The following SCHIP1 variants were observed in gnomAD, a reference collection of about 807,000 sequenced individuals.
SCHIP1 encodes schwannomin interacting protein 1.
In SCHIP1, 8 loss-of-function variants were observed where a neutral mutation model predicts 29.7. That is an observed-to-expected ratio of 0.27 (90% confidence interval 0.16 to 0.49). SCHIP1 has a LOEUF of 0.49. SCHIP1 is among the 20% of genes least tolerant of loss of function. The probability of loss-of-function intolerance (pLI) is 0.99; values close to 1 mark genes in which losing one functional copy is unlikely to be tolerated. For synonymous variants in SCHIP1, 76 were observed against 94.9 expected (o/e 0.80, Z 1.16); for missense variants, 193 against 294.6 (o/e 0.66, Z 2.52).
chr3:159,763,360 C>T, the SCHIP1 span, among the ~76,000 whole-genome samples: 7 of 152,076 alleles, frequency 4.6e-5, no homozygotes, highest in African/African-American at 1.7e-4. Flanking sequence ...AGGCGCCAGG[C>T]TCGTGCTTTG....
At chr3:159,833,157 G>A in the SCHIP1 span, among the ~76,000 whole-genome samples, 1 of 152,122 alleles carries the variant, frequency 6.6e-6, no homozygotes, top group Non-Finnish European at 1.5e-5. Flanking sequence ...AAATTTAGTG[G>A]CTTAAATCAA....
the SCHIP1 span, among the ~76,000 whole-genome samples, chr3:159,648,739 G>A: frequency 6.6e-6 from 1 of 151,898 alleles, no homozygotes; most frequent in Non-Finnish European, 1.5e-5. Flanking sequence ...TTCTGCTAAA[G>A]GAACATACCA....
the SCHIP1 span, among the ~76,000 whole-genome samples, chr3:159,829,067 C>T: frequency 6.9e-3 from 1,053 of 152,178 alleles, 7 homozygotes; most frequent in African/African-American, 0.024. Flanking sequence ...AAATTGGGGA[C>T]GAAACGATGT....
intron 4 of SCHIP1, 44 bp downstream of exon 5, chr3:159,887,949 G>A: frequency 6.2e-7 from 1 of 1,607,030 alleles, no homozygotes; most frequent in South Asian, 1.1e-5. Flanking sequence ...TTGGGAGCCA[G>A]AAATGGTTGA....
chr3:159,543,384 A>AG, the SCHIP1 span, among the ~76,000 whole-genome samples: 12 of 87,088 alleles, frequency 1.4e-4, no homozygotes, highest in Non-Finnish European at 2.2e-4. Context: ...ACCCCACAAC[A>AG]TCACCCCAGA....
chr3:159,564,371 C>T, the SCHIP1 span, among the ~76,000 whole-genome samples: 2 of 150,296 alleles, frequency 1.3e-5, no homozygotes, highest in Non-Finnish European at 2.9e-5. Flanking sequence ...CAAGAGGAAC[C>T]GTTATCTTGA....
At chr3:159,387,601 A>AT in the SCHIP1 span, among the ~76,000 whole-genome samples, 1 of 152,128 alleles carries the variant, frequency 6.6e-6, no homozygotes, top group Non-Finnish European at 1.5e-5. Flanking sequence ...ATTGGCACAC[A>AT]TTTTCTTTAA....
the SCHIP1 span, among the ~76,000 whole-genome samples, chr3:159,487,718 A>C: frequency 1.3e-5 from 2 of 152,134 alleles, no homozygotes; most frequent in African/African-American, 2.4e-5. Flanking sequence ...CCACCTAAGA[A>C]AAGTGTCTAT....
chr3:159,632,653 C>T, the SCHIP1 span, among the ~76,000 whole-genome samples: 6 of 152,258 alleles, frequency 3.9e-5, no homozygotes, highest in East Asian at 9.7e-4. Context: ...TGGGCCCTGC[C>T]ATGGAATTGG....
the SCHIP1 span, among the ~76,000 whole-genome samples, chr3:159,756,378 T>C: frequency 0.28 from 42,603 of 152,132 alleles, 6,035 homozygotes; most frequent in Middle Eastern, 0.35. Context: ...CTGAGCTCTA[T>C]GTTGGCCCTT....
chr3:159,329,135 A>G, the SCHIP1 span, among the ~76,000 whole-genome samples: 1 of 152,048 alleles, frequency 6.6e-6, no homozygotes, highest in Non-Finnish European at 1.5e-5. Flanking sequence ...TGTGTGGATG[A>G]GTAAAACAAG....
At chr3:159,513,607 C>A in the SCHIP1 span, among the ~76,000 whole-genome samples, 3 of 152,102 alleles carry the variant, frequency 2.0e-5, no homozygotes, top group Admixed American at 2.0e-4. Flanking sequence ...TCCTCCAGCC[C>A]GGCTGCCACT....
chr3:159,881,530 A>G (rs549372985), intron 2 of SCHIP1, among the ~76,000 whole-genome samples: 1 of 152,352 alleles, frequency 6.6e-6, no homozygotes, highest in South Asian at 2.1e-4. Context: ...AAGGAAAGCC[A>G]TACAATTGCC....
At chr3:159,417,379 A>T in the SCHIP1 span, among the ~76,000 whole-genome samples, 1 of 152,192 alleles carries the variant, frequency 6.6e-6, no homozygotes, top group Non-Finnish European at 1.5e-5. Context: ...CACCGATAGA[A>T]AAGTATTTCT....
the SCHIP1 span, chr3:159,274,006 T>A: frequency 6.7e-7 from 1 of 1,497,456 alleles, no homozygotes; most frequent in Non-Finnish European, 8.9e-7. Context: ...ATTACATTTT[T>A]AAATTCAGAA....
At chr3:159,686,612 A>C in the SCHIP1 span, among the ~76,000 whole-genome samples, 1 of 152,236 alleles carries the variant, frequency 6.6e-6, no homozygotes, top group African/African-American at 2.4e-5. Flanking sequence ...AGATACAGGA[A>C]GGCACAAGAA....
chr3:159,493,836 G>A, the SCHIP1 span, among the ~76,000 whole-genome samples: 5 of 152,060 alleles, frequency 3.3e-5, no homozygotes, highest in African/African-American at 9.7e-5. Context: ...TTCCAAAATC[G>A]ACTACATAGT....
the SCHIP1 span, among the ~76,000 whole-genome samples, chr3:159,689,613 G>A: frequency 3.9e-5 from 6 of 152,146 alleles, no homozygotes; most frequent in African/African-American, 1.4e-4. Context: ...TGATTGCCCT[G>A]GCCAGAACTT....
At chr3:159,693,299 A>G in the SCHIP1 span, among the ~76,000 whole-genome samples, 1 of 152,220 alleles carries the variant, frequency 6.6e-6, no homozygotes. Flanking sequence ...AAAAGAATGC[A>G]AATTCTAAGA....
Sources: allele counts gnomAD v4.1 joint callset (sites outside exome capture counted in the v4.1 genomes callset), GRCh38; gene constraint gnomAD v4.1.1; transcripts MANE v1.5; gene names NCBI Gene and HGNC (gene_info 2026-07-23, HGNC 2026-07-21).